Variants in EPHA5 observed in about 807,000 individuals in gnomAD.
EPHA5 encodes the protein ephrin type-A receptor 5.
EPHA5 carries 60 observed loss-of-function variants against 105.0 expected under a neutral mutation model. That is an observed-to-expected ratio of 0.57 (90% CI 0.46 to 0.71). The LOEUF (loss-of-function observed/expected upper bound fraction) is 0.71, where lower values mean the gene tolerates loss of function less well. Ranked by LOEUF, EPHA5 falls within the 30% of genes least tolerant of loss-of-function variation. The pLI is 0.00. For synonymous variants in EPHA5, 513 were observed against 449.1 expected, an observed-to-expected ratio of 1.14 and a Z score of -1.80; for missense variants, 1,218 against 1,274.7, an observed-to-expected ratio of 0.96 and a Z score of 0.68.
chr4:65,528,398 A>C (rs1044983469), intron 3 of EPHA5, among the ~76,000 whole-genome samples: 3 of 141,550 alleles, frequency 2.1e-5, no homozygotes, highest in African/African-American at 8.0e-5. Flanking sequence ...ACTGAAGTAC[A>C]TTTTGTGCAC....
intron 13 of EPHA5, 60 bp from the exon 14 acceptor site, chr4:65,348,263 G>T: frequency 2.7e-6 from 4 of 1,465,136 alleles, no homozygotes; most frequent in Non-Finnish European, 3.7e-6. Context: ...TAGGGACAGT[G>T]TTGCCTCACT....
intron 4 of EPHA5, among the ~76,000 whole-genome samples, chr4:65,494,655 T>C (rs1731738291): frequency 6.6e-6 from 1 of 152,194 alleles, no homozygotes; most frequent in East Asian, 1.9e-4. Context: ...ATGTCAGAAT[T>C]AAATGTTTAC....
intron 5 of EPHA5, among the ~76,000 whole-genome samples, chr4:65,471,966 A>G (rs981950265): frequency 3.3e-5 from 5 of 152,198 alleles, no homozygotes; most frequent in East Asian, 1.9e-4. Context: ...CATTACACCA[A>G]ATTAACCAGC....
chr4:65,592,107 A>G (rs1456213680), intron 3 of EPHA5, among the ~76,000 whole-genome samples: 1 of 152,184 alleles, frequency 6.6e-6, no homozygotes, highest in Non-Finnish European at 1.5e-5. Context: ...GAAGGCTTTC[A>G]GTACCAACCA....
chr4:65,463,908 T>C (rs1728359217), intron 5 of EPHA5, among the ~76,000 whole-genome samples: 1 of 151,996 alleles, frequency 6.6e-6, no homozygotes, highest in African/African-American at 2.4e-5. Context: ...GCTGATTTAG[T>C]AATTTGGTAA....
Position 65,601,813 on chromosome 4 carries a change from G to A in EPHA5, c.738C>T (p.Thr246=). The change falls in exon 3 of 17, where the codon ACC becomes ACT. Residue 246 remains threonine, a synonymous_variant. Transcript: ENST00000613740. ...ATTGGGAAGAATCAGCTCCAGTGAT[G>A]GTGTCAGGGAAGACAGCCAAGTGTC... ...VVRHLAVFPD[T]ITGADSSQLL... 1.2e-6 allele frequency: 2 copies of A among 1,614,104 alleles called. No individual in the cohort carries two copies. The highest frequency in any genetic ancestry group is 2.2e-5 in the South Asian group (2 of 91,076).
chr4:65,331,904 C>G (rs1720654157), intron 16 of EPHA5, 69 bp downstream of exon 16: 1 of 1,539,470 alleles, frequency 6.5e-7, no homozygotes, highest in Non-Finnish European at 8.7e-7. Flanking sequence ...CTTACCTCAT[C>G]CAGATTGGTT....
chr4:65,447,457 T>C (rs958939599), intron 5 of EPHA5, among the ~76,000 whole-genome samples: 8 of 150,878 alleles, frequency 5.3e-5, no homozygotes, highest in African/African-American at 1.9e-4. Context: ...GTCTGTCATA[T>C]ATTAGAAACA....
At chr4:65,351,333 T>G (rs1050334812) in intron 13 of EPHA5, 56 bp downstream of exon 13, 1 of 1,486,266 alleles carries the variant, frequency 6.7e-7, no homozygotes, top group Admixed American at 1.9e-5. Context: ...TTTCAGAATC[T>G]TTAAAAATAA....
chr4:65,437,111 A>T (rs1270405761), intron 5 of EPHA5, among the ~76,000 whole-genome samples: 1 of 152,094 alleles, frequency 6.6e-6, no homozygotes, highest in Non-Finnish European at 1.5e-5. Flanking sequence ...AACAGAAAAA[A>T]TGAAGTGTTA....
At chr4:65,363,717 G>A (rs1717568075) in intron 11 of EPHA5, among the ~76,000 whole-genome samples, 1 of 151,436 alleles carries the variant, frequency 6.6e-6, no homozygotes, top group Non-Finnish European at 1.5e-5. Context: ...TTTCTGCATA[G>A]CAAATAATTT....
intron 3 of EPHA5, among the ~76,000 whole-genome samples, chr4:65,593,107 G>T (rs909604739): frequency 4.6e-5 from 7 of 152,132 alleles, no homozygotes; most frequent in African/African-American, 1.7e-4. Context: ...GCTAAATATT[G>T]TCTATTTATG....
chr4:65,561,385 G>T (rs1001715987), intron 3 of EPHA5, among the ~76,000 whole-genome samples: 14 of 115,192 alleles, frequency 1.2e-4, no homozygotes, highest in Non-Finnish European at 2.8e-4. Flanking sequence ...AGGCATATAG[G>T]GTATCCAGGG....
chr4:65,568,516 T>G (rs1578444730), intron 3 of EPHA5, among the ~76,000 whole-genome samples: 1 of 151,274 alleles, frequency 6.6e-6, no homozygotes, highest in Non-Finnish European at 1.5e-5. Context: ...TTAAAAATTT[T>G]TATTAATAAT....
Position 65,670,008 on chromosome 4 carries a change from G to C in EPHA5, c.-266C>G. ...TAGTGCAGATCTGGACTCGGATCAA[G>C]GGTGTCGAGAGGGTCCTGGGTCCTG... is the stretch of plus-strand genomic sequence containing the variant. On this transcript the variant is annotated 5_prime_UTR_variant, in exon 1 of 17. Coordinates refer to ENST00000613740, the MANE Select transcript of EPHA5 (RefSeq NM_001281766.3). The C allele has an allele frequency of 2.3e-6, 1 of 437,284 alleles. No homozygotes were observed. Among genetic ancestry groups the C allele is most frequent in the Non-Finnish European group, 3.8e-6 (1 of 264,666 alleles). The allele number at this position is 437,284 out of a possible 1,614,324, so 27.1% of individuals were successfully genotyped here. A position where few individuals can be genotyped will look rare whatever the true frequency, so the allele number is the denominator to read the frequency against.
At chr4:65,370,661 A>C (rs777854012) in intron 8 of EPHA5, among the ~76,000 whole-genome samples, 6 of 152,170 alleles carry the variant, frequency 3.9e-5, no homozygotes, top group Non-Finnish European at 8.8e-5. Context: ...ATGAAAATGA[A>C]AACAAAACTT....
chr4:65,522,093 T>C (rs376385154), intron 3 of EPHA5, among the ~76,000 whole-genome samples: 1 of 151,802 alleles, frequency 6.6e-6, no homozygotes, highest in South Asian at 2.1e-4. Flanking sequence ...AAAACTAAGA[T>C]CTCACTGATT....
chr4:65,322,095 C>T lies in EPHA5; in HGVS notation c.*2019G>A, dbSNP rs1172680868. ...TCAAGAAAATATTAAATTCACATCT[C>T]TGGAAATTTTACTAAACTAATAGAT... On this transcript the variant is annotated 3_prime_UTR_variant, in exon 17 of 17. Transcript: ENST00000613740. 4.4e-6 allele frequency: 1 copy of T among 224,980 alleles called. No homozygotes were observed. Among genetic ancestry groups the T allele is most frequent in the African/African-American group, 2.2e-5 (1 of 44,894 alleles). 13.9% of individuals were successfully genotyped at this position (224,980 alleles called of 1,614,324 possible). A position where few individuals can be genotyped will look rare whatever the true frequency, so the allele number is the denominator to read the frequency against.
intron 6 of EPHA5, among the ~76,000 whole-genome samples, chr4:65,419,194 T>C (rs571503913): frequency 3.3e-5 from 5 of 152,178 alleles, no homozygotes; most frequent in South Asian, 2.1e-4. Context: ...CTAAACTCTT[T>C]TATCTATGCA....
Sources: gnomAD v4.1 joint callset for allele counts (sites outside exome capture counted in the v4.1 genomes callset) on GRCh38, gnomAD v4.1.1 for gene constraint, MANE v1.5 for transcripts, NCBI Gene and HGNC (gene_info 2026-07-23, HGNC 2026-07-21) for gene names.